The following WHAMM variants were observed in gnomAD, a reference collection of about 807,000 sequenced individuals.
WHAMM encodes the protein WASP homolog-associated protein with actin, membranes and microtubules.
In WHAMM, 67 loss-of-function variants were observed where a neutral mutation model predicts 76.5. The ratio of observed to expected loss-of-function variants is 0.88; its 90% CI spans 0.72 to 1.07. WHAMM has a LOEUF of 1.07. WHAMM is among the 50% of genes least tolerant of loss of function. The probability of loss-of-function intolerance (pLI) is 0.00; values close to 1 mark genes in which losing one functional copy is unlikely to be tolerated. For missense variants in WHAMM, 1,021 were observed against 1,051.1 expected (o/e 0.97, Z 0.40); for synonymous variants, 419 against 422.1 (o/e 0.99, Z 0.09).
intron 9 of WHAMM, among the ~76,000 whole-genome samples, chr15:82,831,843 T>A (rs188811690): frequency 1.1e-4 from 16 of 152,330 alleles, no homozygotes; most frequent in Admixed American, 2.6e-4. Context: ...AATTTGTTTT[T>A]AAAAGTATGC....
chr15:82,833,166 A>G, intron 9 of WHAMM, 63 bp from the exon 10 acceptor site: 2 of 1,503,560 alleles, frequency 1.3e-6, no homozygotes, highest in Non-Finnish European at 1.8e-6. Context: ...ATTTCATAGC[A>G]GTAATGTCCT....
In WHAMM at chr15:82,823,105, C is replaced by G; in HGVS notation, c.1276C>G (p.Gln426Glu). ...AATCATTAATACATTTTTAGAAAAA[C>G]AAGATGAAGTTGTCTATTACGATCC... is the stretch of plus-strand genomic sequence containing the variant. Reference protein sequence around the residue: ...DSLKRLIKEKQDEVVYYDPCE... With the variant: ...DSLKRLIKEKEDEVVYYDPCE... The change falls in exon 6 of 10, where the codon CAA (glutamine) becomes GAA (glutamate). Residue 426 changes from glutamine to glutamate, a missense_variant. Physicochemically the swap from Gln to Glu is conservative, Grantham distance 29 (BLOSUM62 2). Transcript: ENST00000286760. 7.5e-7 allele frequency: 1 copy of G among 1,329,850 alleles called. No homozygotes were observed. Among genetic ancestry groups the G allele is most frequent in the Middle Eastern group, 1.9e-4 (1 of 5,166 alleles). 82.4% of individuals were successfully genotyped at this position (1,329,850 alleles called of 1,614,324 possible). A position where few individuals can be genotyped will look rare whatever the true frequency, so the allele number is the denominator to read the frequency against.
rs147147568 is a variant in WHAMM at position 82,815,111 on chromosome 15, TTATATATATATATATA to T, written c.784-1552_784-1537del. Among the ~76,000 whole-genome samples, 45 of 49,622 alleles carry T rather than the reference TTATATATATATATATA, an allele frequency of 9.1e-4. 2 individuals carry two copies. The East Asian group carries it at 0.014, about 15-fold the overall frequency. The allele number at this position is 49,622 out of a possible 152,430, so 32.6% of individuals were successfully genotyped here. On this transcript the variant is annotated intron_variant, in intron 2 of 9. Coordinates refer to ENST00000286760, the MANE Select transcript of WHAMM (RefSeq NM_001080435.3). The stretch of plus-strand genomic sequence containing the variant: ...TGTTTTAAGATATCACTCACAGATT[TTATATATATATATATA>T]TATATATATATATATATATATATAT...
intron 2 of WHAMM, among the ~76,000 whole-genome samples, chr15:82,816,216 G>C (rs1280532040): frequency 1.3e-5 from 2 of 152,086 alleles, no homozygotes; most frequent in South Asian, 2.1e-4. Flanking sequence ...ATGCATTTTG[G>C]GGGGAGTCCA....
chr15:82,832,799 A>T (rs543270072), intron 9 of WHAMM, among the ~76,000 whole-genome samples: 5 of 152,312 alleles, frequency 3.3e-5, no homozygotes, highest in East Asian at 1.9e-4. Context: ...AATTTTTTTT[A>T]AAAGATTTCT....
chr15:82,815,597 G>A (rs1297352185), intron 2 of WHAMM, among the ~76,000 whole-genome samples: 1 of 152,088 alleles, frequency 6.6e-6, no homozygotes, highest in Non-Finnish European at 1.5e-5. Context: ...AGGATTGCTG[G>A]GTCCTGTGAT....
At position 82,830,962 on chromosome 15, in the gene WHAMM, G is replaced by A; in HGVS notation, c.2005G>A (p.Ala669Thr). ...TGCTCTGTCCTCATCCTCTCAAGCT[G>A]CAACTCATCAGAACTTAGGCTTCCG... ...LRALSSSSQA[A>T]THQNLGFRAP... Residue 669 changes from alanine (A) to threonine (T), a missense_variant, in exon 9 of 10, where the codon GCA becomes ACA. By Grantham distance (58) the Ala-to-Thr change is moderately conservative. Around this residue, in one of 3 missense-constraint regions of WHAMM, gnomAD observed 509 missense variants for 492.3 expected, o/e 1.03. Coordinates refer to ENST00000286760, the MANE Select transcript of WHAMM (RefSeq NM_001080435.3). 1 of 1,585,176 alleles carries A rather than the reference G, an allele frequency of 6.3e-7. No individual in the cohort carries two copies. The highest frequency in any genetic ancestry group is 8.5e-7 in the Non-Finnish European group (1 of 1,173,976).
intron 5 of WHAMM, among the ~76,000 whole-genome samples, chr15:82,822,897 A>G (rs1472265949): frequency 2.0e-5 from 3 of 148,336 alleles, no homozygotes; most frequent in East Asian, 4.0e-4. Context: ...ATATACACAC[A>G]TGCTACTTAC....
At position 82,826,859 on chromosome 15, in the gene WHAMM, A is replaced by ATG; in HGVS notation, c.1641+13_1641+14insTG. Reference sequence around the variant, plus strand: ...ATCATTTAAAGATGTAAGTTCTATAAACAATCACCTCATCTACACTTCTGG... The same window carrying ATG: ...ATCATTTAAAGATGTAAGTTCTATAATGACAATCACCTCATCTACACTTCTGG... On this transcript the variant is annotated intron_variant, in intron 8 of 9. Transcript: ENST00000286760. 4.7e-6 allele frequency: 7 copies of ATG among 1,478,956 alleles called. No individual in the cohort carries two copies. Among genetic ancestry groups the ATG allele is most frequent in the South Asian group, 1.4e-5 (1 of 72,236 alleles). The allele number at this position is 1,478,956 out of a possible 1,614,324, so 91.6% of individuals were successfully genotyped here. A position where few individuals can be genotyped will look rare whatever the true frequency, so the allele number is the denominator to read the frequency against.
At position 82,816,922 on chromosome 15, in the gene WHAMM, C is replaced by G. The variant is rs755740571; in HGVS notation, c.934+80C>G. On this transcript the variant is annotated intron_variant, in intron 3 of 9. Transcript: ENST00000286760. Reference sequence around the variant, plus strand: ...TCAAATACCATTTGAGTCCCTCTTACGCACTAGGTACTATGTTTTCTAGGT... The same window carrying G: ...TCAAATACCATTTGAGTCCCTCTTAGGCACTAGGTACTATGTTTTCTAGGT... 8.6e-5 allele frequency: 117 copies of G among 1,364,142 alleles called. No individual in the cohort carries two copies. In the Middle Eastern group the frequency reaches 3.0e-3, roughly 35 times the overall value. The allele number at this position is 1,364,142 out of a possible 1,614,324, so 84.5% of individuals were successfully genotyped here.
At chr15:82,816,574 T>A (rs2050729840) in intron 2 of WHAMM, 118 bp from the exon 3 acceptor site, 3 of 965,348 alleles carry the variant, frequency 3.1e-6, no homozygotes, top group Non-Finnish European at 4.5e-6. Context: ...AATGAAAATT[T>A]AATTGACTGA....
chr15:82,833,101 T>C (rs1289264169), intron 9 of WHAMM, 128 bp from the exon 10 acceptor site: 3 of 1,116,194 alleles, frequency 2.7e-6, no homozygotes, highest in African/African-American at 1.6e-5. Context: ...AGGCATTTGC[T>C]TAATGAAGTG....
chr15:82,815,747 T>C (rs2050716124), intron 2 of WHAMM, among the ~76,000 whole-genome samples: 1 of 152,240 alleles, frequency 6.6e-6, no homozygotes, highest in African/African-American at 2.4e-5. Flanking sequence ...TCTCTTTGGT[T>C]ACAGCCATCC....
At chr15:82,819,139 C>T (rs1357011669) in intron 4 of WHAMM, among the ~76,000 whole-genome samples, 184 bp from the exon 5 acceptor site, 1 of 151,962 alleles carries the variant, frequency 6.6e-6, no homozygotes, top group South Asian at 2.1e-4. Flanking sequence ...AAATGTTTTC[C>T]TCTGTTTCAA....
At position 82,831,284 on chromosome 15, in the gene WHAMM, T is replaced by G. The variant is rs578112523; in HGVS notation, c.2122+205T>G. Among the ~76,000 whole-genome samples the G allele has an allele frequency of 2.6e-3, 390 of 152,346 alleles. 2 individuals carry two copies. The highest frequency in any genetic ancestry group is 9.0e-3 in the African/African-American group (374 of 41,580). On this transcript the variant is annotated intron_variant, in intron 9 of 9. Coordinates refer to ENST00000286760, the MANE Select transcript of WHAMM (RefSeq NM_001080435.3). The stretch of plus-strand genomic sequence containing the variant: ...TAGCCTAAATCTGGTTTCATAAATG[T>G]TAATTCAGTTTGAAGAAACCATCTC...
Position 82,830,653 on chromosome 15 carries a change from A to C in WHAMM, c.1696A>C (p.Asn566His), listed in dbSNP as rs1184617067. Residue 566 changes from asparagine to histidine, a missense_variant, in exon 9 of 10, where the codon AAC (asparagine) becomes CAC (histidine). Transcript: ENST00000286760. ...NTSGSEPVAP[N>H]LPSDLSQQMC... The stretch of plus-strand genomic sequence containing the variant: ...CTCTGGCTCAGAACCTGTGGCTCCA[A>C]ACCTGCCAAGTGATCTTTCCCAGCA... 2 of 1,613,828 alleles carry C rather than the reference A, an allele frequency of 1.2e-6. No individual in the cohort carries two copies. Among genetic ancestry groups the C allele is most frequent in the East Asian group, 2.2e-5 (1 of 44,894 alleles).
chr15:82,827,404 G>A (rs1192876207), intron 8 of WHAMM, among the ~76,000 whole-genome samples: 2 of 151,802 alleles, frequency 1.3e-5, no homozygotes, highest in Non-Finnish European at 2.9e-5. Context: ...AAATGATCCT[G>A]AGTCTAATTT....
intron 1 of WHAMM, 192 bp downstream of exon 1, chr15:82,810,527 G>T (rs1263016441): frequency 7.1e-6 from 7 of 985,488 alleles, no homozygotes; most frequent in Non-Finnish European, 8.4e-6. Context: ...CTGCGGGAGG[G>T]TCTGCAGAGA....
intron 2 of WHAMM, among the ~76,000 whole-genome samples, chr15:82,815,991 A>T (rs2050720372): frequency 6.6e-6 from 1 of 152,128 alleles, no homozygotes; most frequent in African/African-American, 2.4e-5. Context: ...GTGCTCACAG[A>T]TCCATTGTCT....
Sources: gnomAD v4.1 joint callset for allele counts (sites outside exome capture counted in the v4.1 genomes callset) on GRCh38, gnomAD v4.1.1 for gene constraint, gnomAD v4.1.1 regional missense constraint, MANE v1.5 for transcripts, NCBI Gene and HGNC (gene_info 2026-07-23, HGNC 2026-07-21) for gene names.